Variants in KDR observed in about 807,000 individuals in gnomAD.
The protein encoded by KDR is vascular endothelial growth factor receptor 2.
A neutral mutation model predicts 160.9 loss-of-function variants in KDR; 43 were observed. The ratio of observed to expected loss-of-function variants is 0.27; its 90% confidence interval spans 0.21 to 0.34. The LOEUF (loss-of-function observed/expected upper bound fraction) is 0.34, where lower values mean the gene tolerates loss of function less well. Among genes scored for constraint, KDR ranks in the 10% least tolerant of loss-of-function variants. The probability of loss-of-function intolerance (pLI) is 1.00; values close to 1 mark genes in which losing one functional copy is unlikely to be tolerated. For missense variants in KDR, 1,469 were observed against 1,666.4 expected (o/e 0.88, Z 2.06); for synonymous variants, 617 against 600.1 (o/e 1.03, Z -0.41).
In KDR at chr4:55,102,423, A is replaced by G. The variant is rs545411969; in HGVS notation, c.2073T>C (p.Ser691=). 42 of 1,613,794 alleles carry G rather than the reference A, an allele frequency of 2.6e-5. No individual in the cohort carries two copies. The African/African-American group carries it at 5.3e-4, about 20-fold the overall frequency. The change falls in exon 14 of 30, where the codon TCT becomes TCC. Residue 691 remains serine (S), a synonymous_variant. Transcript: ENST00000263923. ...GESIEVSCTA[S]GNPPPQIMWF... ...ACATGATCTGTGGAGGGGGATTCCC[A>G]GATGCCGTGCATGAGACTTCGATGC...
chr4:55,082,530 A>G lies in KDR; in HGVS notation c.3762+6T>C, dbSNP rs1471607120. ...TTCTAAGACTATTTTTAAAAGACGT[A>G]CTTACATCTGGGATTACTTTTACTT... is the stretch of plus-strand genomic sequence containing the variant. On this transcript the variant is annotated splice_donor_region_variant and intron_variant, in intron 28 of 29. Coordinates refer to ENST00000263923, the MANE Select transcript of KDR (RefSeq NM_002253.4). The G allele has an allele frequency of 6.4e-7, 1 of 1,567,180 alleles. No individual in the cohort carries two copies. The highest frequency in any genetic ancestry group is 1.1e-5 in the South Asian group (1 of 90,136).
At chr4:55,087,523 A>G (rs1318732584) in intron 27 of KDR, 84 bp downstream of exon 27, 1 of 1,250,078 alleles carries the variant, frequency 8.0e-7, no homozygotes, top group Non-Finnish European at 1.2e-6. Context: ...GCCTTAGACA[A>G]GGTCTTCCTT....
intron 15 of KDR, among the ~76,000 whole-genome samples, chr4:55,100,581 C>T (rs538785606): frequency 6.6e-5 from 10 of 152,262 alleles, no homozygotes; most frequent in Admixed American, 3.9e-4. Flanking sequence ...ACAATCTAGA[C>T]GTCATTCTGC....
rs201708587 is a variant in KDR at position 55,110,507 on chromosome 4, G to T, written c.1151C>A (p.Thr384Lys). Reference protein sequence around the residue: ...NHTIKAGHVLTIMEVSERDTG... With the variant: ...NHTIKAGHVLKIMEVSERDTG... ...GTCTCTTTCACTCACTTCCATAATC[G>T]TCAGTACATGCCCCGCTTTAATTGT... is the stretch of plus-strand genomic sequence containing the variant. The change falls in exon 9 of 30, where the codon ACG becomes AAG. Residue 384 changes from threonine (T) to lysine (K), a missense_variant. Thr to Lys is a moderately conservative substitution (Grantham distance 78). Around this residue, in one of 7 missense-constraint regions of KDR, gnomAD observed 792 missense variants for 840.9 expected, o/e 0.94. Coordinates refer to ENST00000263923, the MANE Select transcript of KDR (RefSeq NM_002253.4). 1.1e-5 allele frequency: 18 copies of T among 1,613,778 alleles called. No homozygotes were observed. Among genetic ancestry groups the T allele is most frequent in the Non-Finnish European group, 1.4e-5 (17 of 1,179,888 alleles).
chr4:55,123,904 T>G (rs952119686), intron 1 of KDR, among the ~76,000 whole-genome samples: 1 of 152,218 alleles, frequency 6.6e-6, no homozygotes, highest in African/African-American at 2.4e-5. Flanking sequence ...CACCATTATA[T>G]TCAGGGCGAC....
chr4:55,125,412 T>A lies in KDR; in HGVS notation c.-119A>T. The A allele has an allele frequency of 7.6e-7, 1 of 1,316,388 alleles. No homozygotes were observed. The highest frequency in any genetic ancestry group is 1.1e-6 in the Non-Finnish European group (1 of 946,550). The allele number at this position is 1,316,388 out of a possible 1,614,324, so 81.5% of individuals were successfully genotyped here. A position where few individuals can be genotyped will look rare whatever the true frequency, so the allele number is the denominator to read the frequency against. ...GCGGCACCCCGCAGCGCAGGACAGT[T>A]GAGCGCACAGGGCTAGGGAGCCCGG... On this transcript the variant is annotated 5_prime_UTR_variant, in exon 1 of 30. Transcript: ENST00000263923.
intron 2 of KDR, among the ~76,000 whole-genome samples, chr4:55,119,977 T>C (rs1238697207): frequency 6.6e-6 from 1 of 152,166 alleles, no homozygotes; most frequent in Non-Finnish European, 1.5e-5. Context: ...ATAAGAAATG[T>C]TTATGCAGAG....
chr4:55,113,327 T>A lies in KDR; in HGVS notation c.953A>T (p.Asn318Ile), dbSNP rs751705247. 12 of 1,614,104 alleles carry A rather than the reference T, an allele frequency of 7.4e-6. No individual in the cohort carries two copies. Among genetic ancestry groups the A allele is most frequent in the Non-Finnish European group, 1.0e-5 (12 of 1,179,968 alleles). The change falls in exon 7 of 30, where the codon AAC becomes ATC. Residue 318 changes from asparagine to isoleucine, a missense_variant. Physicochemically the swap from Asn to Ile is moderately radical, Grantham distance 149. Coordinates refer to ENST00000263923, the MANE Select transcript of KDR (RefSeq NM_002253.4). ...AASSGLMTKK[N>I]STFVRVHEKP... is the part of the protein sequence containing the mutation. ...ACCATGGACCCTGACAAATGTGCTG[T>A]TCTTCTTGGTCATCAGCCCACTGGA...
In KDR at chr4:55,094,867, C is replaced by T. The variant is rs2110015169; in HGVS notation, c.2906G>A (p.Ser969Asn). ...LKRRLDSITS[S>N]QSSASSGFVE... is the part of the protein sequence containing the mutation. ...AAATCCAGAGCTGGCTGAGCTCTGG[C>T]TACTGGTGATGCTGTCCAAGCGCCG... Residue 969 changes from serine (S) to asparagine (N), a missense_variant, in exon 21 of 30, where the codon AGC becomes AAC. Physicochemically the swap from Ser to Asn is conservative, Grantham distance 46. Around this residue, in one of 7 missense-constraint regions of KDR, gnomAD observed 151 missense variants for 207.2 expected, o/e 0.73. Transcript: ENST00000263923. 1 of 1,613,844 alleles carries T rather than the reference C, an allele frequency of 6.2e-7. No individual in the cohort carries two copies. Among genetic ancestry groups the T allele is most frequent in the South Asian group, 1.1e-5 (1 of 91,086 alleles).
rs1720695863 is a variant in KDR at position 55,114,973 on chromosome 4, T to C, written c.559A>G (p.Ile187Val). Residue 187 changes from isoleucine to valine, a missense_variant, in exon 5 of 30, where the codon ATT (isoleucine) becomes GTT (valine). Transcript: ENST00000263923. ...GCATAGCTGATCATGTAGCTGGGAA[T>C]AGTAAAGCCCTTCTTGCTGTCCCAG... The part of the protein sequence containing the change: ...ISWDSKKGFT[I>V]PSYMISYAGM... The C allele has an allele frequency of 3.7e-6, 6 of 1,613,624 alleles. No homozygotes were observed. Among genetic ancestry groups the C allele is most frequent in the Middle Eastern group, 1.6e-4 (1 of 6,082 alleles).
At position 55,098,205 on chromosome 4, in the gene KDR, T is replaced by A; in HGVS notation, c.2441A>T (p.Asp814Val). 2 of 1,613,958 alleles carry A rather than the reference T, an allele frequency of 1.2e-6. No individual in the cohort carries two copies. The highest frequency in any genetic ancestry group is 1.7e-6 in the Non-Finnish European group (2 of 1,179,862). ...ATAAGGCAGTCGTTCACAATGTTCA[T>A]CCAATGGGAGTTCATCTGGATCCAT... is the stretch of plus-strand genomic sequence containing the variant. ...IVMDPDELPLDEHCERLPYDA... is the reference protein window; with the variant it reads ...IVMDPDELPLVEHCERLPYDA... The change falls in exon 17 of 30, where the codon GAT (aspartate) becomes GTT (valine). Residue 814 changes from aspartate (D) to valine (V), a missense_variant. Transcript: ENST00000263923.
rs536337956 is a variant in KDR at position 55,093,947 on chromosome 4, C to T, written c.2971+855G>A. On this transcript the variant is annotated intron_variant, in intron 21 of 29. Coordinates refer to ENST00000263923, the MANE Select transcript of KDR (RefSeq NM_002253.4). ...AGGCACGGAGGCTTACGCCTATAAT[C>T]CCAGCACTTTGGGAGGCTGAGGCAG... 9.2e-5 allele frequency among the ~76,000 whole-genome samples: 14 copies of T among 152,302 alleles called. No individual in the cohort carries two copies. In the South Asian group the frequency reaches 2.9e-3, roughly 32 times the overall value.
intron 20 of KDR, among the ~76,000 whole-genome samples, 153 bp downstream of exon 20, chr4:55,095,423 GA>G (rs1449595658): frequency 1.2e-4 from 18 of 152,236 alleles, no homozygotes; most frequent in Admixed American, 9.8e-4. Context: ...ATGGCCCCCA[GA>G]AGGTAAAAGA....
rs140404415 is a variant in KDR at position 55,115,997 on chromosome 4, C to A, written c.359-586G>T. ...TGTGAGCATTTTAAGATTCTGAAGA[C>A]TAGGGATATGATTCTTTCTAAAACC... On this transcript the variant is annotated intron_variant, in intron 3 of 29. Coordinates refer to ENST00000263923, the MANE Select transcript of KDR (RefSeq NM_002253.4). 4.8e-3 allele frequency among the ~76,000 whole-genome samples: 732 copies of A among 152,258 alleles called. 4 individuals carry two copies. The highest frequency in any genetic ancestry group is 7.6e-3 in the Non-Finnish European group (516 of 68,024).
intron 29 of KDR, among the ~76,000 whole-genome samples, chr4:55,080,668 A>C (rs1719710205): frequency 6.6e-6 from 1 of 152,242 alleles, no homozygotes; most frequent in Non-Finnish European, 1.5e-5. Context: ...TGTGCAGTCA[A>C]GCCAGACATA....
At chr4:55,093,047 C>T (rs1720058647) in intron 21 of KDR, among the ~76,000 whole-genome samples, 2 of 152,214 alleles carry the variant, frequency 1.3e-5, no homozygotes, top group South Asian at 2.1e-4. Context: ...TTGTCATGTA[C>T]CCAGAGGGAT....
rs925443061 is a variant in KDR at position 55,102,238 on chromosome 4, T to C, written c.2134+124A>G. ...ATACTCCAATTCTAAGTCTGTGAAATGAGCCAGGTCATGGACACCAATACT... is the reference window on the plus strand; with the variant it reads ...ATACTCCAATTCTAAGTCTGTGAAACGAGCCAGGTCATGGACACCAATACT... On this transcript the variant is annotated intron_variant, in intron 14 of 29. Transcript: ENST00000263923. 9 of 1,322,612 alleles carry C rather than the reference T, an allele frequency of 6.8e-6. No homozygotes were observed. In the African/African-American group the frequency reaches 1.3e-4, roughly 19 times the overall value. The allele number at this position is 1,322,612 out of a possible 1,614,324, so 81.9% of individuals were successfully genotyped here.
Position 55,087,620 on chromosome 4 carries a change from T to G in KDR, c.3649A>C (p.Thr1217Pro), listed in dbSNP as rs1719895125. 1 of 1,614,170 alleles carries G rather than the reference T, an allele frequency of 6.2e-7. No individual in the cohort carries two copies. The highest frequency in any genetic ancestry group is 8.5e-7 in the Non-Finnish European group (1 of 1,180,006). The part of the protein sequence containing the change: ...VCDPKFHYDN[T>P]AGISQYLQNS... ...CATATACAGTACCTGATTCCTGCTG[T>G]GTTGTCATAATGGAATTTGGGGTCA... The change falls in exon 27 of 30, where the codon ACA becomes CCA. Residue 1217 changes from threonine (T) to proline (P), a missense_variant. Transcript: ENST00000263923.
At chr4:55,091,462 C>T (rs903816637) in intron 22 of KDR, among the ~76,000 whole-genome samples, 4 of 152,254 alleles carry the variant, frequency 2.6e-5, no homozygotes, top group African/African-American at 9.6e-5. Flanking sequence ...AAAAGGAACC[C>T]TGACTAAGTG....
Sources: allele counts gnomAD v4.1 joint callset (sites outside exome capture counted in the v4.1 genomes callset), GRCh38; gene constraint gnomAD v4.1.1; regional missense constraint gnomAD v4.1.1; transcripts MANE v1.5; gene names NCBI Gene and HGNC (gene_info 2026-07-23, HGNC 2026-07-21).